HIVEP3: variants seen among roughly 807,000 people sequenced by gnomAD.
The protein encoded by HIVEP3 is transcription factor HIVEP3.
A neutral mutation model predicts 152.8 loss-of-function variants in HIVEP3; 49 were observed. The ratio of observed to expected loss-of-function variants is 0.32; its 90% CI spans 0.26 to 0.41. HIVEP3 has a LOEUF of 0.41. Ranked by LOEUF, HIVEP3 falls within the 10% of genes least tolerant of loss-of-function variation. The pLI is 1.00. For missense variants in HIVEP3, 2,790 were observed against 3,103.3 expected (o/e 0.90, Z 2.40); for synonymous variants, 1,269 against 1,289.0 (o/e 0.98, Z 0.33).
intron 1 of HIVEP3, among the ~76,000 whole-genome samples, chr1:41,773,903 G>A (rs1239362180): frequency 6.6e-6 from 1 of 152,196 alleles, no homozygotes. Context: ...ACAGATGAAG[G>A]ACAAGTCTTT....
chr1:41,795,476 A>G (rs1221094887), intron 1 of HIVEP3, among the ~76,000 whole-genome samples: 3 of 152,164 alleles, frequency 2.0e-5, no homozygotes, highest in Non-Finnish European at 4.4e-5. Flanking sequence ...AGGTTTATTA[A>G]CTGTGAAGTT....
intron 1 of HIVEP3, among the ~76,000 whole-genome samples, chr1:41,890,911 T>A (rs765548472): frequency 3.9e-5 from 6 of 152,180 alleles, no homozygotes; most frequent in Non-Finnish European, 5.9e-5. Flanking sequence ...TATTAGATAA[T>A]GCATAAGGGA....
intron 1 of HIVEP3, among the ~76,000 whole-genome samples, chr1:41,994,165 AT>A (rs1242423254): frequency 6.6e-6 from 1 of 152,034 alleles, no homozygotes; most frequent in Non-Finnish European, 1.5e-5. Flanking sequence ...AAAGAAAAAA[AT>A]AAAAATAAAG....
rs183983268 is a variant in HIVEP3 at position 41,803,649 on chromosome 1, A to C, written c.-800-102654T>G. Among the ~76,000 whole-genome samples, 458 of 152,338 alleles carry C rather than the reference A, an allele frequency of 3.0e-3. 1 individual carries two copies. The highest frequency in any genetic ancestry group is 5.4e-3 in the Non-Finnish European group (369 of 68,020). On this transcript the variant is annotated intron_variant, in intron 1 of 8. Coordinates refer to ENST00000372583, the MANE Select transcript of HIVEP3 (RefSeq NM_024503.5). ...CCACACTGACAATAGGCCTGCAGAC[A>C]TTCCCTCCACGTGAAGCTGGACTCA...
chr1:41,602,277 T>C (rs932557614), intron 3 of HIVEP3, among the ~76,000 whole-genome samples: 1 of 152,144 alleles, frequency 6.6e-6, no homozygotes, highest in African/African-American at 2.4e-5. Flanking sequence ...TTGGAGGTGT[T>C]CCCTCCTCTT....
chr1:41,750,701 C>T (rs1256741885), intron 1 of HIVEP3, among the ~76,000 whole-genome samples: 2 of 86,108 alleles, frequency 2.3e-5, no homozygotes, highest in African/African-American at 2.9e-5. Context: ...AAGCCCAGTG[C>T]ACTTTTTTTT....
intron 1 of HIVEP3, among the ~76,000 whole-genome samples, chr1:41,949,489 G>A (rs1645093589): frequency 6.6e-6 from 1 of 152,118 alleles, no homozygotes; most frequent in African/African-American, 2.4e-5. Flanking sequence ...CCAAAAGAGG[G>A]GGAACCTGTT....
At chr1:41,835,875 TATAG>T (rs756920582) in intron 1 of HIVEP3, among the ~76,000 whole-genome samples, 36 of 152,348 alleles carry the variant, frequency 2.4e-4, no homozygotes, top group Admixed American at 3.3e-4. Flanking sequence ...TTCAAGTCAC[TATAG>T]ATAGAGTATT....
At chr1:41,591,311 C>T (rs1482687329) in intron 3 of HIVEP3, among the ~76,000 whole-genome samples, 1 of 152,132 alleles carries the variant, frequency 6.6e-6, no homozygotes, top group Non-Finnish European at 1.5e-5. Context: ...CAGTGTCACA[C>T]TGACCCACCA....
At chr1:41,749,713 A>C (rs1350829177) in intron 1 of HIVEP3, among the ~76,000 whole-genome samples, 1 of 151,450 alleles carries the variant, frequency 6.6e-6, no homozygotes, top group African/African-American at 2.4e-5. Flanking sequence ...GTGATCTTGG[A>C]TAAGACATCT....
intron 1 of HIVEP3, among the ~76,000 whole-genome samples, chr1:41,929,130 T>C (rs772147201): frequency 2.4e-4 from 37 of 152,328 alleles, no homozygotes; most frequent in Admixed American, 1.8e-3. Context: ...GCAGCAACTA[T>C]GACTGCAGTG....
At position 41,580,137 on chromosome 1, in the gene HIVEP3, T is replaced by C; in HGVS notation, c.4661A>G (p.Glu1554Gly). Reference sequence around the variant, plus strand: ...GAGATCAGGTTGTTCCTTGGAATCTTCTTTCTTCACGCTCAGTGGGGTCAA... The same window carrying C: ...GAGATCAGGTTGTTCCTTGGAATCTCCTTTCTTCACGCTCAGTGGGGTCAA... ...RGLTPLSVKKEDSKEQPDLPS... is the reference protein window; with the variant it reads ...RGLTPLSVKKGDSKEQPDLPS... The change falls in exon 4 of 9, where the codon GAA becomes GGA. Residue 1554 changes from glutamate to glycine, a missense_variant. Physicochemically the swap from Glu to Gly is moderately conservative, Grantham distance 98. Around this residue, in one of 9 missense-constraint regions of HIVEP3, gnomAD observed 1,078 missense variants for 1,165.3 expected, o/e 0.93. Transcript: ENST00000372583. 1 of 1,614,016 alleles carries C rather than the reference T, an allele frequency of 6.2e-7. No homozygotes were observed. The highest frequency in any genetic ancestry group is 8.5e-7 in the Non-Finnish European group (1 of 1,179,930).
Position 41,887,983 on chromosome 1 carries a change from T to C in HIVEP3, c.-801+30430A>G, listed in dbSNP as rs567101498. Among the ~76,000 whole-genome samples, 7 of 151,750 alleles carry C rather than the reference T, an allele frequency of 4.6e-5. No individual in the cohort carries two copies. In the South Asian group the frequency reaches 1.5e-3, roughly 32 times the overall value. ...GTTTCTGAGTCAGACAGTGGAGATA[T>C]AGAATGCTCCCATCACACCCCCACC... On this transcript the variant is annotated intron_variant, in intron 1 of 8. Transcript: ENST00000372583.
intron 3 of HIVEP3, among the ~76,000 whole-genome samples, chr1:41,620,031 C>G (rs1645024131): frequency 6.6e-6 from 1 of 152,014 alleles, no homozygotes; most frequent in South Asian, 2.1e-4. Context: ...CAGCTGAGTT[C>G]CTTTGAATAT....
rs373097175 is a variant in HIVEP3 at position 41,750,452 on chromosome 1, C to T, written c.-800-49457G>A. On this transcript the variant is annotated intron_variant, in intron 1 of 8. Coordinates refer to ENST00000372583, the MANE Select transcript of HIVEP3 (RefSeq NM_024503.5). ...AAGGCTTCCTAAGCTCCAGTGTGTG[C>T]ATCATCTGGGAACCTTGTTACAAGG... 7.9e-5 allele frequency among the ~76,000 whole-genome samples: 12 copies of T among 152,334 alleles called. No homozygotes were observed. In the East Asian group the frequency reaches 1.9e-3, roughly 24 times the overall value.
chr1:41,638,541 T>C (rs944557412), intron 2 of HIVEP3, among the ~76,000 whole-genome samples: 2 of 152,220 alleles, frequency 1.3e-5, no homozygotes, highest in Non-Finnish European at 2.9e-5. Context: ...GATGGTAAAT[T>C]ATGTTATGTG....
intron 1 of HIVEP3, among the ~76,000 whole-genome samples, chr1:41,702,174 C>T (rs998370658): frequency 3.9e-5 from 6 of 151,998 alleles, no homozygotes; most frequent in Non-Finnish European, 5.9e-5. Context: ...AATGGGCACC[C>T]GAGGATTATC....
chr1:41,810,601 T>C (rs1002675003), intron 1 of HIVEP3, among the ~76,000 whole-genome samples: 24 of 152,244 alleles, frequency 1.6e-4, no homozygotes, highest in Admixed American at 1.1e-3. Flanking sequence ...CTTATGCTTC[T>C]GCCTCATGCT....
intron 1 of HIVEP3, among the ~76,000 whole-genome samples, chr1:41,813,079 C>A (rs971708171): frequency 1.3e-5 from 2 of 152,124 alleles, no homozygotes; most frequent in African/African-American, 4.8e-5. Context: ...TGCTCTGAAG[C>A]CTAGGCTGGA....
Sources: allele counts gnomAD v4.1 joint callset (sites outside exome capture counted in the v4.1 genomes callset), GRCh38; gene constraint gnomAD v4.1.1; regional missense constraint gnomAD v4.1.1; transcripts MANE v1.5; gene names NCBI Gene and HGNC (gene_info 2026-07-23, HGNC 2026-07-21).